Variants in AKAP6 observed in about 807,000 individuals in gnomAD.
AKAP6 encodes A-kinase anchor protein 6.
AKAP6 carries 58 observed loss-of-function variants against 188.5 expected under a neutral mutation model. The ratio of observed to expected loss-of-function variants is 0.31; its 90% CI spans 0.25 to 0.38. AKAP6 has a LOEUF of 0.38. Among genes scored for constraint, AKAP6 ranks in the 10% least tolerant of loss-of-function variants. The pLI is 1.00. For synonymous variants in AKAP6, 989 were observed against 998.6 expected (o/e 0.99, Z 0.18); for missense variants, 2,710 against 2,740.0 (o/e 0.99, Z 0.24).
chr14:32,434,370 G>T (rs1039202807), intron 2 of AKAP6, among the ~76,000 whole-genome samples: 1 of 152,190 alleles, frequency 6.6e-6, no homozygotes, highest in African/African-American at 2.4e-5. Flanking sequence ...TAAAAAAAAA[G>T]TCTGTGGACT....
At chr14:32,579,177 G>A (rs912774135) in intron 5 of AKAP6, among the ~76,000 whole-genome samples, 1 of 152,090 alleles carries the variant, frequency 6.6e-6, no homozygotes, top group Non-Finnish European at 1.5e-5. Flanking sequence ...ATAGGTGACC[G>A]TAACGAACGG....
intron 12 of AKAP6, among the ~76,000 whole-genome samples, chr14:32,777,103 A>G (rs192732494): frequency 2.0e-5 from 3 of 152,278 alleles, no homozygotes; most frequent in African/African-American, 4.8e-5. Context: ...TGCCTTAGTA[A>G]TGGGGCAAAC....
chr14:32,825,804 A>C (rs79397550), intron 13 of AKAP6, among the ~76,000 whole-genome samples: 1 of 152,252 alleles, frequency 6.6e-6, no homozygotes, highest in East Asian at 1.9e-4. Flanking sequence ...CCGTCACCTA[A>C]ACTCGTGCTA....
intron 12 of AKAP6, among the ~76,000 whole-genome samples, chr14:32,778,711 A>T (rs1372901654): frequency 2.2e-5 from 3 of 135,934 alleles, no homozygotes; most frequent in East Asian, 2.2e-4. Context: ...ATACCCAGCA[A>T]TTTTTTTTTT....
chr14:32,725,002 A>C (rs1052374471), intron 9 of AKAP6, among the ~76,000 whole-genome samples: 2 of 148,826 alleles, frequency 1.3e-5, no homozygotes, highest in African/African-American at 2.5e-5. Context: ...AAAAAAAAAA[A>C]AAAAAAAAAA....
intron 1 of AKAP6, among the ~76,000 whole-genome samples, chr14:32,348,703 G>A (rs116920122): frequency 0.075 from 11,418 of 152,094 alleles, 533 homozygotes; most frequent in Non-Finnish European, 0.085. Flanking sequence ...ATGAGCCACC[G>A]TGCCCAGCCC....
At chr14:32,630,106 A>G (rs575496968) in intron 7 of AKAP6, among the ~76,000 whole-genome samples, 4 of 152,208 alleles carry the variant, frequency 2.6e-5, no homozygotes, top group South Asian at 4.1e-4. Context: ...AGGCCAAAGT[A>G]CCAGCTCTCA....
chr14:32,828,523 TCTCTCTCACACACACACACA>T (rs1029856128), intron 13 of AKAP6, among the ~76,000 whole-genome samples: 11 of 31,368 alleles, frequency 3.5e-4, no homozygotes, highest in African/African-American at 5.7e-4. Flanking sequence ...TCTCTCTCTC[TCTCTCTCACACACACACACA>T]CACACACACA....
chr14:32,386,647 T>C (rs1888544898), intron 1 of AKAP6, among the ~76,000 whole-genome samples: 2 of 152,228 alleles, frequency 1.3e-5, no homozygotes, highest in Admixed American at 6.5e-5. Flanking sequence ...TTATTGCATT[T>C]GCTTTTGGGT....
chr14:32,506,257 G>C (rs945719099), intron 2 of AKAP6, among the ~76,000 whole-genome samples: 5 of 152,160 alleles, frequency 3.3e-5, no homozygotes, highest in Admixed American at 3.3e-4. Context: ...ACAAGTTTGG[G>C]TTTATGTGTT....
At chr14:32,573,379 A>G (rs1488297011) in intron 4 of AKAP6, among the ~76,000 whole-genome samples, 2 of 152,200 alleles carry the variant, frequency 1.3e-5, no homozygotes, top group African/African-American at 4.8e-5. Context: ...TTGAATTCAG[A>G]ATATTAGAAA....
At chr14:32,371,068 G>A (rs1261014309) in intron 1 of AKAP6, among the ~76,000 whole-genome samples, 3 of 151,588 alleles carry the variant, frequency 2.0e-5, no homozygotes, top group Admixed American at 1.3e-4. Context: ...ATTAAACTGT[G>A]GCAAGAGAAC....
chr14:32,782,860 A>G (rs886152969), intron 12 of AKAP6, among the ~76,000 whole-genome samples: 1 of 151,742 alleles, frequency 6.6e-6, no homozygotes. Flanking sequence ...TGTAATCCCA[A>G]TGAAAATCTC....
At chr14:32,621,914 A>G (rs1886829948) in intron 7 of AKAP6, among the ~76,000 whole-genome samples, 1 of 152,128 alleles carries the variant, frequency 6.6e-6, no homozygotes, top group Non-Finnish European at 1.5e-5. Context: ...TCTAATTTTT[A>G]AACACTTAAT....
intron 1 of AKAP6, among the ~76,000 whole-genome samples, chr14:32,361,238 G>C (rs2138487766): frequency 6.6e-6 from 1 of 151,886 alleles, no homozygotes; most frequent in East Asian, 2.0e-4. Flanking sequence ...TCAGAGAGAA[G>C]GCAACATTTG....
intron 2 of AKAP6, among the ~76,000 whole-genome samples, chr14:32,489,419 A>G (rs1230599427): frequency 2.0e-5 from 3 of 152,140 alleles, no homozygotes; most frequent in Non-Finnish European, 4.4e-5. Flanking sequence ...TATGTTGCCT[A>G]GGCTGGTCTC....
chr14:32,643,379 C>T (rs953042722), intron 7 of AKAP6, among the ~76,000 whole-genome samples: 2 of 151,906 alleles, frequency 1.3e-5, no homozygotes, highest in African/African-American at 4.8e-5. Flanking sequence ...ATGATCTCGG[C>T]TCACTGCAAC....
At chr14:32,472,379 G>A (rs1398067978) in intron 2 of AKAP6, among the ~76,000 whole-genome samples, 2 of 152,104 alleles carry the variant, frequency 1.3e-5, no homozygotes, top group Admixed American at 6.5e-5. Context: ...TAAGTGTCTT[G>A]ATCATAAGGT....
chr14:32,515,699 C>T (rs1881486636), intron 2 of AKAP6, among the ~76,000 whole-genome samples: 1 of 152,086 alleles, frequency 6.6e-6, no homozygotes, highest in Non-Finnish European at 1.5e-5. Context: ...CTCTCTGATG[C>T]CTAGCGTGAT....
Sources: gnomAD v4.1 joint callset for allele counts (sites outside exome capture counted in the v4.1 genomes callset) on GRCh38, gnomAD v4.1.1 for gene constraint, MANE v1.5 for transcripts, NCBI Gene and HGNC (gene_info 2026-07-23, HGNC 2026-07-21) for gene names.